The following STAT2 variants were observed in gnomAD, a reference collection of about 807,000 sequenced individuals.
STAT2 encodes signal transducer and activator of transcription 2.
STAT2 carries 51 observed loss-of-function variants against 122.3 expected under a neutral mutation model. The ratio of observed to expected loss-of-function variants is 0.42; its 90% confidence interval spans 0.33 to 0.53. The LOEUF is 0.53. Among genes scored for constraint, STAT2 ranks in the 20% least tolerant of loss-of-function variants. The probability of loss-of-function intolerance (pLI) is 0.10; values close to 1 mark genes in which losing one functional copy is unlikely to be tolerated. For synonymous variants in STAT2, 351 were observed against 394.9 expected, an observed-to-expected ratio of 0.89 and a Z score of 1.32; for missense variants, 736 against 1,010.3, an observed-to-expected ratio of 0.73 and a Z score of 3.68.
chr12:56,354,012 AAAAAATATATATAT>A (rs1879027714), intron 8 of STAT2, among the ~76,000 whole-genome samples: 1 of 20,136 alleles, frequency 5.0e-5, no homozygotes, highest in South Asian at 8.5e-3. Context: ...AAAAAAAAAA[AAAAAATATATATAT>A]ATATATATAT....
rs149037282 is a variant in STAT2, at chr12:56,346,522, T to G, written c.1964A>C (p.Asn655Thr). 5 of 1,614,084 alleles carry G rather than the reference T, an allele frequency of 3.1e-6. No homozygotes were observed. Among genetic ancestry groups the G allele is most frequent in the Non-Finnish European group, 3.4e-6 (4 of 1,180,040 alleles). ...IRHYQLLTEE[N>T]IPENPLRFLY... Reference sequence around the variant, plus strand: ...GAAGCGCAGTGGGTTTTCAGGTATATTCTCCTCAGTGAGCAACTGGTAATG... The same window carrying G: ...GAAGCGCAGTGGGTTTTCAGGTATAGTCTCCTCAGTGAGCAACTGGTAATG... The change falls in exon 21 of 24, where the codon AAT (asparagine) becomes ACT (threonine). Residue 655 changes from asparagine (N) to threonine (T), a missense_variant. Physicochemically the swap from Asn to Thr is moderately conservative, Grantham distance 65. Transcript: ENST00000314128.
chr12:56,354,300 G>T, intron 8 of STAT2, 166 bp downstream of exon 8: 1 of 1,005,980 alleles, frequency 9.9e-7, no homozygotes, highest in South Asian at 1.7e-5. Context: ...TGGGCTCCCT[G>T]CGTGGTGAGG....
Position 56,349,459 on chromosome 12 carries a change from T to C in STAT2, c.1308A>G (p.Lys436=), listed in dbSNP as rs1268108469. ...EELHIISFTV[K]YTYQGLKQEL... ...CCTGCTTCAGACCCTGGTAGGTATA[T>C]TTGACCGTGAAGCTGATGATGTGCA... Residue 436 remains lysine, a synonymous_variant, in exon 15 of 24, where the codon AAA becomes AAG. Transcript: ENST00000314128. 6.2e-7 allele frequency: 1 copy of C among 1,614,206 alleles called. No homozygotes were observed. Among genetic ancestry groups the C allele is most frequent in the Non-Finnish European group, 8.5e-7 (1 of 1,180,040 alleles).
Position 56,344,538 on chromosome 12 carries a change from A to G in STAT2, c.2103-403T>C, listed in dbSNP as rs182457334. ...TATTTTGTAGATTCAATAAAATGAG[A>G]AAATAAATGCAAACCATTTAGCCTA... On this transcript the variant is annotated intron_variant, in intron 22 of 23. Coordinates refer to ENST00000314128, the MANE Select transcript of STAT2 (RefSeq NM_005419.4). 5.3e-5 allele frequency among the ~76,000 whole-genome samples: 8 copies of G among 152,348 alleles called. No individual in the cohort carries two copies. In the East Asian group the frequency reaches 1.5e-3, roughly 29 times the overall value.
At position 56,357,026 on chromosome 12, in the gene STAT2, ATTTTTTTTTTT is replaced by A. The variant is rs34402362; in HGVS notation, c.-7-459_-7-449del. 2.4e-4 allele frequency among the ~76,000 whole-genome samples: 16 copies of A among 66,384 alleles called. 1 individual carries two copies. Among genetic ancestry groups the A allele is most frequent in the South Asian group, 7.9e-4 (1 of 1,262 alleles). The allele number at this position is 66,384 out of a possible 152,430, so 43.6% of individuals were successfully genotyped here. ...TTCAGATTAGGAATGCCTAATCTGT[ATTTTTTTTTTT>A]TTTTTTTTTTTTTTTTTAAGATGGA... On this transcript the variant is annotated intron_variant, in intron 1 of 23. Transcript: ENST00000314128.
At chr12:56,348,417 G>T in intron 19 of STAT2, 112 bp downstream of exon 19, 1 of 1,061,864 alleles carries the variant, frequency 9.4e-7, no homozygotes, top group Non-Finnish European at 1.4e-6. Context: ...GAGGAGACGT[G>T]GCCTGCACCT....
At position 56,356,245 on chromosome 12, in the gene STAT2, T is replaced by C; in HGVS notation, c.172A>G (p.Met58Val). Residue 58 changes from methionine to valine, a missense_variant, in exon 3 of 24, where the codon ATG (methionine) becomes GTG (valine). Met to Val is a conservative substitution (Grantham distance 21). Coordinates refer to ENST00000314128, the MANE Select transcript of STAT2 (RefSeq NM_005419.4). ...TGATCCAAGAAGTGGAAGAATAGCA[T>C]GGTAGCCTTGGAATCATCACTCCCA... ...ALGSDDSKATMLFFHFLDQLN... is the reference protein window; with the variant it reads ...ALGSDDSKATVLFFHFLDQLN... The C allele has an allele frequency of 6.2e-7, 1 of 1,612,948 alleles. No individual in the cohort carries two copies. The highest frequency in any genetic ancestry group is 8.5e-7 in the Non-Finnish European group (1 of 1,180,036).
At chr12:56,346,739 A>T in intron 20 of STAT2, 80 bp downstream of exon 20, 1 of 1,606,312 alleles carries the variant, frequency 6.2e-7, no homozygotes, top group Admixed American at 1.7e-5. Context: ...GAGCCAGGGA[A>T]GCCAAGGGCA....
At chr12:56,355,895 C>T in intron 3 of STAT2, 92 bp from the exon 4 acceptor site, 1 of 1,393,722 alleles carries the variant, frequency 7.2e-7, no homozygotes, top group East Asian at 2.3e-5. Flanking sequence ...CACAGTATTT[C>T]CTCCTCCTTC....
chr12:56,359,386 C>T (rs765824073), intron 1 of STAT2, among the ~76,000 whole-genome samples: 1 of 151,980 alleles, frequency 6.6e-6, no homozygotes, highest in South Asian at 2.1e-4. Context: ...TGAGACCAAG[C>T]TTGAGCAACA....
chr12:56,354,749 G>A, intron 7 of STAT2, 29 bp downstream of exon 7: 1 of 1,613,792 alleles, frequency 6.2e-7, no homozygotes, highest in Non-Finnish European at 8.5e-7. Flanking sequence ...GGTCCTTGTT[G>A]CCCACATGTT....
rs528264295 is a variant in STAT2, at chr12:56,346,900, T to C, written c.1780A>G (p.Met594Val). ...AAGCGCAGTAGAAAGGTGCCAGACA[T>C]GGTCTTCTTCAGCAGCCGGCGCTCC... ...SQERRLLKKT[M>V]SGTFLLRFSE... Residue 594 changes from methionine to valine, a missense_variant, in exon 20 of 24, where the codon ATG (methionine) becomes GTG (valine). Coordinates refer to ENST00000314128, the MANE Select transcript of STAT2 (RefSeq NM_005419.4). 5.0e-6 allele frequency: 8 copies of C among 1,614,152 alleles called. No individual in the cohort carries two copies. Among genetic ancestry groups the C allele is most frequent in the South Asian group, 1.1e-5 (1 of 91,088 alleles).
intron 1 of STAT2, among the ~76,000 whole-genome samples, chr12:56,359,521 TCTCC>T (rs1880052538): frequency 6.6e-6 from 1 of 150,808 alleles, no homozygotes. Context: ...AAAAACCTGG[TCTCC>T]CCAAATGGAT....
rs979112702 is a variant in STAT2 at position 56,347,190 on chromosome 12, CT to C, written c.1725-236del. ...AGTGAGATCACACAGATGAACAGCACTTTTTTTTTTTTCTGGGAGACAGGGT... is the reference window on the plus strand; with the variant it reads ...AGTGAGATCACACAGATGAACAGCACTTTTTTTTTTTCTGGGAGACAGGGT... On this transcript the variant is annotated intron_variant, in intron 19 of 23. Transcript: ENST00000314128. Among the ~76,000 whole-genome samples, 714 of 147,336 alleles carry C rather than the reference CT, an allele frequency of 4.8e-3. 4 individuals are homozygous for C. Among genetic ancestry groups the C allele is most frequent in the African/African-American group, 0.016 (653 of 40,390 alleles).
intron 13 of STAT2, 90 bp from the exon 14 acceptor site, chr12:56,349,726 T>C: frequency 6.5e-7 from 1 of 1,543,396 alleles, no homozygotes; most frequent in Non-Finnish European, 8.9e-7. Context: ...TCTCAAGCCC[T>C]GGGAACTTCC....
chr12:56,355,003 A>G, intron 6 of STAT2, 140 bp from the exon 7 acceptor site: 1 of 889,776 alleles, frequency 1.1e-6, no homozygotes, highest in East Asian at 2.5e-5. Flanking sequence ...TGGGACCCTC[A>G]GGCAAATTCT....
At chr12:56,351,237 A>C (rs935045421) in intron 9 of STAT2, 47 bp from the exon 10 acceptor site, 2 of 1,611,782 alleles carry the variant, frequency 1.2e-6, no homozygotes, top group Non-Finnish European at 1.7e-6. Flanking sequence ...AGTATCTGTA[A>C]GAATGGCTTC....
intron 12 of STAT2, 70 bp downstream of exon 12, chr12:56,350,342 G>A (rs1034163687): frequency 1.3e-6 from 2 of 1,517,434 alleles, no homozygotes; most frequent in African/African-American, 1.4e-5. Context: ...TGTGCCACCA[G>A]GGCTGCCGAA....
chr12:56,354,040 TAAAAA>T (rs760881337), intron 8 of STAT2, among the ~76,000 whole-genome samples: 2 of 53,358 alleles, frequency 3.7e-5, no homozygotes, highest in African/African-American at 5.4e-5. Flanking sequence ...TATATATATA[TAAAAA>T]ATACTGTTAA....
Sources: gnomAD v4.1 joint callset for allele counts (sites outside exome capture counted in the v4.1 genomes callset) on GRCh38, gnomAD v4.1.1 for gene constraint, MANE v1.5 for transcripts, NCBI Gene and HGNC (gene_info 2026-07-23, HGNC 2026-07-21) for gene names.